The following BPIFB6 variants were observed in gnomAD, a reference collection of about 807,000 sequenced individuals.
The protein encoded by BPIFB6 is BPI fold-containing family B member 6.
In BPIFB6, 47 loss-of-function variants were observed where a neutral mutation model predicts 54.7. The observed-to-expected ratio is 0.86, with a 90% confidence interval of 0.68 to 1.10. BPIFB6 has a LOEUF of 1.10. Among genes scored for constraint, BPIFB6 ranks in the 50% least tolerant of loss-of-function variants. BPIFB6 has a pLI of 0.00. For synonymous variants in BPIFB6, 255 were observed against 225.9 expected (o/e 1.13, Z -1.16); for missense variants, 603 against 564.1 (o/e 1.07, Z -0.70).
At chr20:33,039,250 C>G in intron 9 of BPIFB6, 97 bp from the exon 10 acceptor site, 1 of 1,280,334 alleles carries the variant, frequency 7.8e-7, no homozygotes, top group East Asian at 2.3e-5. Flanking sequence ...TTCCTGTGTC[C>G]AACGTAGAAA....
intron 11 of BPIFB6, among the ~76,000 whole-genome samples, chr20:33,040,630 G>A (rs938261004): frequency 5.9e-5 from 9 of 152,306 alleles, no homozygotes; most frequent in East Asian, 1.9e-4. Context: ...CTTTACCCAT[G>A]CCATTCACCT....
chr20:33,034,660 C>A, intron 3 of BPIFB6, 103 bp from the exon 4 acceptor site: 2 of 1,354,868 alleles, frequency 1.5e-6, no homozygotes, highest in Admixed American at 4.3e-5. Context: ...TGGTCTCCTA[C>A]CCTTTCTCCC....
chr20:33,037,273 G>A (rs192794944), intron 7 of BPIFB6, among the ~76,000 whole-genome samples: 79 of 152,270 alleles, frequency 5.2e-4, no homozygotes, highest in Admixed American at 8.5e-4. Flanking sequence ...ATCATGTTCC[G>A]AATAAATGAA....
At chr20:33,036,032 C>T (rs1477076882) in intron 6 of BPIFB6, among the ~76,000 whole-genome samples, 1 of 152,016 alleles carries the variant, frequency 6.6e-6, no homozygotes, top group Non-Finnish European at 1.5e-5. Flanking sequence ...TTTTGGGGTC[C>T]CATTTTGGGT....
At chr20:33,036,912 G>T (rs546101737) in intron 7 of BPIFB6, among the ~76,000 whole-genome samples, 43 of 152,306 alleles carry the variant, frequency 2.8e-4, no homozygotes, top group African/African-American at 9.6e-4. Flanking sequence ...GCAGGGAAGA[G>T]ACCCCACATC....
chr20:33,039,548 T>A (rs764033664), intron 10 of BPIFB6, 28 bp downstream of exon 10: 1 of 1,588,068 alleles, frequency 6.3e-7, no homozygotes, highest in South Asian at 1.2e-5. Flanking sequence ...CTTCCCCATT[T>A]ATTCCCAATC....
At chr20:33,039,303 C>A in intron 9 of BPIFB6, 44 bp from the exon 10 acceptor site, 1 of 1,540,536 alleles carries the variant, frequency 6.5e-7, no homozygotes, top group South Asian at 1.3e-5. Flanking sequence ...CTGAAGCCAC[C>A]AGTCTAAGGA....
intron 12 of BPIFB6, 127 bp from the exon 13 acceptor site, chr20:33,042,687 TG>T: frequency 1.2e-6 from 1 of 859,488 alleles, no homozygotes; most frequent in Non-Finnish European, 1.8e-6. Context: ...TGATGCCAGC[TG>T]GACAAACCAT....
chr20:33,042,948 G>A, intron 13 of BPIFB6, 70 bp downstream of exon 13: 1 of 1,476,264 alleles, frequency 6.8e-7, no homozygotes, highest in Non-Finnish European at 9.4e-7. Context: ...TGCCACCTGG[G>A]TGGTCTCAAA....
In BPIFB6 at chr20:33,034,848, C is replaced by G. The variant is rs759399901; in HGVS notation, c.388C>G (p.Pro130Ala). Residue 130 changes from proline to alanine, a missense_variant, in exon 4 of 15, where the codon CCC becomes GCC. Coordinates refer to ENST00000349552, the MANE Select transcript of BPIFB6 (RefSeq NM_174897.2). Reference sequence around the variant, plus strand: ...TCTGCGGGATGAGGAGACAGGCCTCCCCGTGTTCAAGAGTGAGGGCTGTGA... The same window carrying G: ...TCTGCGGGATGAGGAGACAGGCCTCGCCGTGTTCAAGAGTGAGGGCTGTGA... ...RLLRDEETGL[P>A]VFKSEGCEVI... The G allele has an allele frequency of 3.7e-6, 6 of 1,613,834 alleles. No homozygotes were observed. The East Asian group carries it at 1.3e-4, about 36-fold the overall frequency.
intron 11 of BPIFB6, 114 bp downstream of exon 11, chr20:33,040,432 C>A: frequency 1.1e-6 from 1 of 928,462 alleles, no homozygotes; most frequent in Non-Finnish European, 1.7e-6. Flanking sequence ...AACTACCAGG[C>A]TGCTCTAGCT....
intron 7 of BPIFB6, among the ~76,000 whole-genome samples, chr20:33,036,781 G>A (rs1403324670): frequency 1.3e-5 from 2 of 152,100 alleles, no homozygotes; most frequent in Admixed American, 1.3e-4. Context: ...CATGATCCCC[G>A]CTAGGCTGTT....
Position 33,039,641 on chromosome 20 carries a change from G to A in BPIFB6, c.1074+121G>A, listed in dbSNP as rs573607888. The A allele has an allele frequency of 4.0e-5, 45 of 1,131,538 alleles. No homozygotes were observed. The South Asian group carries it at 5.3e-4, about 13-fold the overall frequency. 70.1% of individuals were successfully genotyped at this position (1,131,538 alleles called of 1,614,324 possible). A position where few individuals can be genotyped will look rare whatever the true frequency, so the allele number is the denominator to read the frequency against. ...AGAGGGATCAGTTAATCTTGATTAT[G>A]TCTGATCCTTGGCTCTGCCACTGAA... On this transcript the variant is annotated intron_variant, in intron 10 of 14. Coordinates refer to ENST00000349552, the MANE Select transcript of BPIFB6 (RefSeq NM_174897.2).
intron 3 of BPIFB6, 135 bp from the exon 4 acceptor site, chr20:33,034,628 C>A (rs1869365879): frequency 9.9e-7 from 1 of 1,010,402 alleles, no homozygotes; most frequent in Non-Finnish European, 1.5e-6. Flanking sequence ...CAGGTCCCAT[C>A]CCCTTTTCTG....
intron 2 of BPIFB6, chr20:33,033,422 G>A (rs568786715): frequency 2.2e-6 from 1 of 463,394 alleles, no homozygotes; most frequent in Admixed American, 2.3e-5. Flanking sequence ...TGGTAGAGCT[G>A]GAAAGGCATC....
chr20:33,034,075 G>T, intron 2 of BPIFB6, 111 bp from the exon 3 acceptor site: 1 of 776,232 alleles, frequency 1.3e-6, no homozygotes, highest in Non-Finnish European at 2.3e-6. Context: ...CATGACATGG[G>T]ATAGGAGGCC....
At chr20:33,044,078 C>G, downstream of BPIFB6, 1 of 1,613,974 alleles carries the variant, frequency 6.2e-7, no homozygotes, top group East Asian at 2.2e-5. Context: ...CAGCTGCCTG[C>G]TTACCACCAA....
At chr20:33,043,880 C>G in intron 14 of BPIFB6, 135 bp from the exon 15 acceptor site, 1 of 1,131,372 alleles carries the variant, frequency 8.8e-7, no homozygotes, top group Non-Finnish European at 1.3e-6. Flanking sequence ...TCCAGGGTCA[C>G]AAGGCAAGTC....
Position 33,043,352 on chromosome 20 carries a change from G to A in BPIFB6, c.1314G>A (p.Glu438=), listed in dbSNP as rs1266683623. ...TGGCCATGAATTACAACCTGGCTGA[G>A]CTGGACATAGTAGAGGTGAGAGGAG... The part of the protein sequence containing the change: ...DFLAMNYNLA[E]LDIVENALML... Residue 438 remains glutamate (E), a synonymous_variant, in exon 14 of 15, where the codon GAG becomes GAA. Transcript: ENST00000349552. 2 of 1,614,178 alleles carry A rather than the reference G, an allele frequency of 1.2e-6. No homozygotes were observed. Among genetic ancestry groups the A allele is most frequent in the Non-Finnish European group, 1.7e-6 (2 of 1,180,022 alleles).
Sources: gnomAD v4.1 joint callset for allele counts (sites outside exome capture counted in the v4.1 genomes callset) on GRCh38, gnomAD v4.1.1 for gene constraint, MANE v1.5 for transcripts, NCBI Gene and HGNC (gene_info 2026-07-23, HGNC 2026-07-21) for gene names.